The following FLNB variants were observed in gnomAD, a reference collection of about 807,000 sequenced individuals.
FLNB encodes the protein filamin B.
FLNB carries 111 observed loss-of-function variants against 250.6 expected under a neutral mutation model. The observed-to-expected ratio is 0.44, with a 90% confidence interval of 0.38 to 0.52. The LOEUF (loss-of-function observed/expected upper bound fraction) is 0.52, where lower values mean the gene tolerates loss of function less well. Among genes scored for constraint, FLNB ranks in the 20% least tolerant of loss-of-function variants. The pLI, the probability that FLNB is intolerant of heterozygous loss-of-function variation, is 0.00. For missense variants in FLNB, 2,869 were observed against 3,447.8 expected (o/e 0.83, Z 4.20); for synonymous variants, 1,302 against 1,372.1 (o/e 0.95, Z 1.13).
rs1462354199 is a variant in FLNB, at chr3:58,078,737, T to A, written c.562T>A (p.Ser188Thr). The A allele has an allele frequency of 3.1e-6, 5 of 1,613,750 alleles. No homozygotes were observed. The highest frequency in any genetic ancestry group is 1.6e-4 in the Middle Eastern group (1 of 6,076). ...CAPGLCPDWESWDPQKPVDNA... is the reference protein window; with the variant it reads ...CAPGLCPDWETWDPQKPVDNA... ...AACAGGTCTGTGCCCAGACTGGGAA[T>A]CCTGGGACCCGCAGAAGCCTGTGGA... Residue 188 changes from serine to threonine, a missense_variant, in exon 3 of 46, where the codon TCC (serine) becomes ACC (threonine). Transcript: ENST00000295956.
intron 8 of FLNB, among the ~76,000 whole-genome samples, chr3:58,100,157 CAT>C (rs907894853): frequency 1.3e-5 from 2 of 151,988 alleles, no homozygotes; most frequent in African/African-American, 4.8e-5. Flanking sequence ...AAAATTCTAA[CAT>C]ATTCCTAAGC....
chr3:58,148,199 T>A lies in FLNB; in HGVS notation c.5729-7T>A. The A allele has an allele frequency of 1.2e-6, 2 of 1,614,222 alleles. No homozygotes were observed. Among genetic ancestry groups the A allele is most frequent in the South Asian group, 2.2e-5 (2 of 91,088 alleles). On this transcript the variant is annotated splice_region_variant and splice_polypyrimidine_tract_variant and intron_variant, in intron 34 of 45. Transcript: ENST00000295956. ...AACGGGAGTCCTTTTTGGGGGATGT[T>A]TCCCAGATGACAGCAGGCGGTGCTC...
chr3:58,098,407 C>T (rs1224463476), intron 7 of FLNB, among the ~76,000 whole-genome samples: 1 of 152,128 alleles, frequency 6.6e-6, no homozygotes, highest in Non-Finnish European at 1.5e-5. Context: ...CTTGGCTCAA[C>T]GCAACCTCCG....
At chr3:58,058,310 C>A (rs1170234968) in intron 1 of FLNB, among the ~76,000 whole-genome samples, 1 of 152,180 alleles carries the variant, frequency 6.6e-6, no homozygotes, top group East Asian at 1.9e-4. Context: ...TTCCCCCTTT[C>A]ACATAATTTG....
chr3:58,083,823 A>G (rs2097212876), intron 4 of FLNB, among the ~76,000 whole-genome samples: 1 of 152,122 alleles, frequency 6.6e-6, no homozygotes, highest in Non-Finnish European at 1.5e-5. Context: ...CACTTGTGTT[A>G]TGTAGGGACT....
At chr3:58,040,240 G>A (rs2097144114) in intron 1 of FLNB, among the ~76,000 whole-genome samples, 1 of 152,212 alleles carries the variant, frequency 6.6e-6, no homozygotes, top group Non-Finnish European at 1.5e-5. Context: ...TGAATAATAA[G>A]CAATACACCC....
At chr3:58,019,488 T>C (rs2097110594) in intron 1 of FLNB, among the ~76,000 whole-genome samples, 1 of 152,216 alleles carries the variant, frequency 6.6e-6, no homozygotes, top group Admixed American at 6.5e-5. Context: ...GACATCTGTT[T>C]CCATTTTACA....
Position 58,170,726 on chromosome 3 carries a change from C to T in FLNB, c.7773C>T (p.His2591=). ...TGGCTGTGAAGTGGGGGGAGGAACA[C>T]ATCCCTGGCAGCCCTTTTCATGTCA... The part of the protein sequence containing the change: ...YVLAVKWGEE[H]IPGSPFHVTV... The change falls in exon 46 of 46, where the codon CAC becomes CAT. Residue 2591 remains histidine (H), a synonymous_variant. Coordinates refer to ENST00000295956, the MANE Select transcript of FLNB (RefSeq NM_001457.4). The T allele has an allele frequency of 6.2e-7, 1 of 1,614,200 alleles. No individual in the cohort carries two copies. The highest frequency in any genetic ancestry group is 8.5e-7 in the Non-Finnish European group (1 of 1,180,028).
At chr3:58,057,894 G>A (rs13326446) in intron 1 of FLNB, among the ~76,000 whole-genome samples, 3,705 of 152,058 alleles carry the variant, frequency 0.024, 124 homozygotes, top group African/African-American at 0.084. Flanking sequence ...AGGTTCAAGC[G>A]ATTCTCCTAC....
rs1259934458 is a variant in FLNB, at chr3:58,040,834, T to A, written c.292+31978T>A. Reference sequence around the variant, plus strand: ...AAAATATACTCCCCGCTCCATCCCATTCATGTGTGGGAGTTGAGCTGCATC... The same window carrying A: ...AAAATATACTCCCCGCTCCATCCCAATCATGTGTGGGAGTTGAGCTGCATC... On this transcript the variant is annotated intron_variant, in intron 1 of 45. Coordinates refer to ENST00000295956, the MANE Select transcript of FLNB (RefSeq NM_001457.4). Among the ~76,000 whole-genome samples, 8 of 152,324 alleles carry A rather than the reference T, an allele frequency of 5.3e-5. No homozygotes were observed. In the South Asian group the frequency reaches 1.7e-3, roughly 32 times the overall value.
intron 38 of FLNB, chr3:58,151,483 C>A (rs921278373): frequency 6.6e-6 from 1 of 151,866 alleles, no homozygotes; most frequent in Admixed American, 6.6e-5. Context: ...GAAGTGTCAC[C>A]TCCCAGAGAG....
At chr3:58,119,649 A>T (rs1232758205) in intron 19 of FLNB, among the ~76,000 whole-genome samples, 5 of 152,234 alleles carry the variant, frequency 3.3e-5, no homozygotes, top group African/African-American at 9.6e-5. Context: ...GATGTGCAAC[A>T]CATGCTCATA....
In FLNB at chr3:58,146,878, T is replaced by TA; in HGVS notation, c.5616dup (p.Asp1873ArgfsTer24). The TA allele has an allele frequency of 6.2e-7, 1 of 1,614,110 alleles. No individual in the cohort carries two copies. Among genetic ancestry groups the TA allele is most frequent in the South Asian group, 1.1e-5 (1 of 91,078 alleles). The stretch of plus-strand genomic sequence containing the variant: ...AAGCAGAAATCAGCTGCATTGACAA[T>TA]AAAGATGGGACATGCACAGTGACCT... On this transcript the variant is annotated frameshift_variant, in exon 34 of 46. Transcript: ENST00000295956. LOFTEE classifies it high-confidence loss of function.
At chr3:58,022,020 G>C (rs991571756) in intron 1 of FLNB, among the ~76,000 whole-genome samples, 6 of 152,186 alleles carry the variant, frequency 3.9e-5, no homozygotes, top group South Asian at 4.2e-4. Context: ...CGATCTGCCT[G>C]CCTCAGCCTC....
At chr3:58,097,665 A>T in intron 6 of FLNB, 150 bp from the exon 7 acceptor site, 2 of 774,542 alleles carry the variant, frequency 2.6e-6, no homozygotes, top group Non-Finnish European at 4.3e-6. Context: ...CAGGCTGTTA[A>T]ACTTGGTTCC....
rs1333597817 is a variant in FLNB, at chr3:58,109,702, G to A, written c.2323+3G>A. On this transcript the variant is annotated splice_donor_region_variant and intron_variant, in intron 15 of 45. Coordinates refer to ENST00000295956, the MANE Select transcript of FLNB (RefSeq NM_001457.4). ...GGACTGTACTGAGGCTGGGGAAGGT[G>A]AGAAAGGGCTTTGTTCAACCCAGTG... 2 of 1,614,122 alleles carry A rather than the reference G, an allele frequency of 1.2e-6. No individual in the cohort carries two copies. Among genetic ancestry groups the A allele is most frequent in the Non-Finnish European group, 1.7e-6 (2 of 1,180,034 alleles).
chr3:58,104,368 A>G (rs926958056), intron 10 of FLNB, among the ~76,000 whole-genome samples: 14 of 152,166 alleles, frequency 9.2e-5, no homozygotes, highest in African/African-American at 3.4e-4. Flanking sequence ...CTGTGTGTCT[A>G]GATGCCCGCA....
At chr3:58,111,942 T>C in intron 17 of FLNB, 61 bp downstream of exon 17, 1 of 1,392,834 alleles carries the variant, frequency 7.2e-7, no homozygotes, top group Non-Finnish European at 1.0e-6. Flanking sequence ...CTGGGCGTGT[T>C]TCATCCACGG....
intron 18 of FLNB, among the ~76,000 whole-genome samples, chr3:58,117,214 C>G (rs917327151): frequency 8.5e-5 from 13 of 152,176 alleles, no homozygotes; most frequent in African/African-American, 2.9e-4. Context: ...ACAGTCCATT[C>G]CTTAGTTGGG....
Sources: gnomAD v4.1 joint callset for allele counts (sites outside exome capture counted in the v4.1 genomes callset) on GRCh38, gnomAD v4.1.1 for gene constraint, MANE v1.5 for transcripts, NCBI Gene and HGNC (gene_info 2026-07-23, HGNC 2026-07-21) for gene names.